Variants in MEI4 observed in about 807,000 individuals in gnomAD.
MEI4 encodes meiosis-specific protein MEI4.
MEI4 carries 27 observed loss-of-function variants against 31.4 expected under a neutral mutation model. That is an observed-to-expected ratio of 0.86 (90% CI 0.63 to 1.19). The LOEUF is 1.19. MEI4 is among the 50% of genes most tolerant of loss of function. The pLI is 0.00. For synonymous variants in MEI4, 122 were observed against 145.4 expected (o/e 0.84, Z 1.16); for missense variants, 329 against 398.9 (o/e 0.82, Z 1.49).
chr6:77,686,139 G>T (rs1247326163), intron 1 of MEI4, among the ~76,000 whole-genome samples: 3 of 152,102 alleles, frequency 2.0e-5, no homozygotes, highest in African/African-American at 7.2e-5. Flanking sequence ...GCCTCCTGAG[G>T]CCTCACTAGA....
Position 77,898,665 on chromosome 6 carries a change from C to T in MEI4, c.901-24424C>T, listed in dbSNP as rs997981108. On this transcript the variant is annotated intron_variant, in intron 4 of 4. Coordinates refer to ENST00000684080, the MANE Select transcript of MEI4 (RefSeq NM_001322247.2). ...TCTCTGTATGTCCTTGGCTAGTGCT[C>T]ATTATCAAATTGATTTAATGAACTG... Among the ~76,000 whole-genome samples the T allele has an allele frequency of 3.3e-5, 5 of 152,022 alleles. No individual in the cohort carries two copies. In the East Asian group the frequency reaches 9.6e-4, roughly 29 times the overall value.
intron 4 of MEI4, among the ~76,000 whole-genome samples, chr6:77,890,147 C>T (rs907117746): frequency 2.6e-5 from 4 of 152,172 alleles, no homozygotes; most frequent in African/African-American, 9.7e-5. Context: ...GGGCCACCAT[C>T]GTCCAGACCC....
chr6:77,737,998 A>G (rs543417090), intron 2 of MEI4, among the ~76,000 whole-genome samples: 2 of 152,238 alleles, frequency 1.3e-5, no homozygotes, highest in Admixed American at 1.3e-4. Context: ...TGTCAGGATT[A>G]GAAATACAGA....
intron 4 of MEI4, among the ~76,000 whole-genome samples, chr6:77,860,596 A>C (rs2127720975): frequency 6.6e-6 from 1 of 152,296 alleles, no homozygotes; most frequent in Non-Finnish European, 1.5e-5. Flanking sequence ...TTTTATATCA[A>C]ACCACTGATA....
intron 3 of MEI4, among the ~76,000 whole-genome samples, chr6:77,769,405 A>G (rs1361751220): frequency 1.3e-5 from 2 of 152,136 alleles, no homozygotes; most frequent in Admixed American, 6.5e-5. Context: ...GGGGTTCTAA[A>G]TAAACATGAA....
At chr6:77,853,477 G>A (rs1299601984) in intron 4 of MEI4, among the ~76,000 whole-genome samples, 1 of 152,090 alleles carries the variant, frequency 6.6e-6, no homozygotes, top group Non-Finnish European at 1.5e-5. Flanking sequence ...AGGAAAAAAT[G>A]GCATTTAATA....
At chr6:77,907,659 G>C (rs1316519981) in intron 4 of MEI4, among the ~76,000 whole-genome samples, 3 of 152,086 alleles carry the variant, frequency 2.0e-5, no homozygotes, top group Non-Finnish European at 4.4e-5. Context: ...ACCCAGTAAT[G>C]GGATGGCTGG....
chr6:77,783,315 C>G (rs1377914827), intron 3 of MEI4, among the ~76,000 whole-genome samples: 4 of 152,038 alleles, frequency 2.6e-5, no homozygotes, highest in Non-Finnish European at 4.4e-5. Context: ...AGACAAATGG[C>G]AAAATAACTT....
intron 1 of MEI4, among the ~76,000 whole-genome samples, chr6:77,660,108 G>T (rs1768475992): frequency 6.6e-6 from 1 of 152,126 alleles, no homozygotes; most frequent in Non-Finnish European, 1.5e-5. Context: ...GGAGATGGGA[G>T]ATGTTGCCCA....
chr6:77,882,350 A>G (rs547157840), intron 4 of MEI4, among the ~76,000 whole-genome samples: 3 of 152,274 alleles, frequency 2.0e-5, no homozygotes, highest in African/African-American at 7.2e-5. Context: ...ACATGATTAT[A>G]CTCAATCTCC....
At chr6:77,670,362 C>T (rs1301208791) in intron 1 of MEI4, among the ~76,000 whole-genome samples, 1 of 152,002 alleles carries the variant, frequency 6.6e-6, no homozygotes, top group Non-Finnish European at 1.5e-5. Context: ...AGATTTAATA[C>T]ACAGAACTGA....
chr6:77,841,333 A>ATATTTTTTTTTTTTTTT lies in MEI4; in HGVS notation c.900+12272_900+12273insATTTTTTTTTTTTTTTT. ...TGTGTGCATATATATATATATATAT[A>ATATTTTTTTTTTTTTTT]TTTTTTTTTTTTTTTTTTTTTTTGA... is the stretch of plus-strand genomic sequence containing the variant. On this transcript the variant is annotated intron_variant, in intron 4 of 4. Coordinates refer to ENST00000684080, the MANE Select transcript of MEI4 (RefSeq NM_001322247.2). Among the ~76,000 whole-genome samples, 4 of 27,736 alleles carry ATATTTTTTTTTTTTTTT rather than the reference A, an allele frequency of 1.4e-4. 1 individual carries two copies. The highest frequency in any genetic ancestry group is 2.2e-3 in the East Asian group (1 of 446). The allele number at this position is 27,736 out of a possible 152,430, so 18.2% of individuals were successfully genotyped here.
chr6:77,828,545 C>A (rs1241077665), intron 3 of MEI4, among the ~76,000 whole-genome samples: 1 of 151,996 alleles, frequency 6.6e-6, no homozygotes, highest in African/African-American at 2.4e-5. Flanking sequence ...AAAACTGGTC[C>A]CTGGTGCCAA....
chr6:77,698,095 C>T (rs1418790704), intron 2 of MEI4, among the ~76,000 whole-genome samples: 1 of 151,956 alleles, frequency 6.6e-6, no homozygotes, highest in African/African-American at 2.4e-5. Context: ...CAACCCCTGC[C>T]TTTTTTTGTT....
At chr6:77,801,333 G>C (rs1769250474) in intron 3 of MEI4, among the ~76,000 whole-genome samples, 1 of 152,112 alleles carries the variant, frequency 6.6e-6, no homozygotes, top group Non-Finnish European at 1.5e-5. Context: ...GGGATTGGTG[G>C]TGATATCCCC....
intron 4 of MEI4, among the ~76,000 whole-genome samples, chr6:77,917,709 T>C (rs1036947782): frequency 4.1e-5 from 6 of 144,864 alleles, no homozygotes; most frequent in African/African-American, 1.3e-4. Context: ...TTCTCCCATT[T>C]TGTAGGTTGC....
At chr6:77,695,912 T>A (rs200403979) in intron 2 of MEI4, among the ~76,000 whole-genome samples, 4 of 152,164 alleles carry the variant, frequency 2.6e-5, no homozygotes, top group Non-Finnish European at 5.9e-5. Context: ...AATGGTCTTC[T>A]ATTTGTTTGT....
At chr6:77,687,369 C>T (rs1296405709) in intron 1 of MEI4, among the ~76,000 whole-genome samples, 1 of 152,128 alleles carries the variant, frequency 6.6e-6, no homozygotes, top group African/African-American at 2.4e-5. Context: ...TACTGCTGAT[C>T]TTTCCTCAGT....
chr6:77,697,023 A>T (rs1000997734), intron 2 of MEI4, among the ~76,000 whole-genome samples: 53 of 152,052 alleles, frequency 3.5e-4, no homozygotes, highest in Middle Eastern at 3.4e-3. Flanking sequence ...GAATTTATCC[A>T]TTTCTTCTAG....
Sources: allele counts gnomAD v4.1 joint callset (sites outside exome capture counted in the v4.1 genomes callset), GRCh38; gene constraint gnomAD v4.1.1; transcripts MANE v1.5; gene names NCBI Gene and HGNC (gene_info 2026-07-23, HGNC 2026-07-21).